GRIA4: variants seen among roughly 807,000 people sequenced by gnomAD.
The protein encoded by GRIA4 is glutamate receptor 4.
In GRIA4, 34 loss-of-function variants were observed where a neutral mutation model predicts 104.0. That is an observed-to-expected ratio of 0.33 (90% CI 0.25 to 0.44). The LOEUF is 0.44. Among genes scored for constraint, GRIA4 ranks in the 20% least tolerant of loss-of-function variants. The pLI, the probability that GRIA4 is intolerant of heterozygous loss-of-function variation, is 1.00. For missense variants in GRIA4, 750 were observed against 1,096.5 expected, an observed-to-expected ratio of 0.68 and a Z score of 4.46; for synonymous variants, 386 against 381.9, an observed-to-expected ratio of 1.01 and a Z score of -0.13.
chr11:105,744,606 G>A (rs911827583), intron 3 of GRIA4, among the ~76,000 whole-genome samples: 2 of 152,222 alleles, frequency 1.3e-5, no homozygotes, highest in East Asian at 3.9e-4. Flanking sequence ...AAAAAATGTA[G>A]CTGTCAAATA....
At chr11:105,863,259 T>C (rs1945291748) in intron 5 of GRIA4, among the ~76,000 whole-genome samples, 1 of 152,080 alleles carries the variant, frequency 6.6e-6, no homozygotes, top group Admixed American at 6.6e-5. Flanking sequence ...TATATTAGCA[T>C]TTGTAAAAGT....
chr11:105,945,640 T>A (rs2136231754), intron 14 of GRIA4: 1 of 157,512 alleles, frequency 6.3e-6, no homozygotes, highest in Admixed American at 6.5e-5. Context: ...GCTTGCCACT[T>A]GTGCGTAATA....
At chr11:105,905,663 A>G (rs143568917) in intron 9 of GRIA4, among the ~76,000 whole-genome samples, 2 of 152,374 alleles carry the variant, frequency 1.3e-5, no homozygotes, top group African/African-American at 4.8e-5. Context: ...TTATGAAATT[A>G]TTAGAGCAAG....
chr11:105,655,437 C>T (rs186671649), intron 3 of GRIA4, among the ~76,000 whole-genome samples: 6 of 152,166 alleles, frequency 3.9e-5, no homozygotes, highest in Admixed American at 2.6e-4. Context: ...TTGCTGCACC[C>T]ATCAGCCCAT....
intron 3 of GRIA4, among the ~76,000 whole-genome samples, chr11:105,731,471 T>C (rs1163574943): frequency 6.6e-6 from 1 of 152,160 alleles, no homozygotes; most frequent in Non-Finnish European, 1.5e-5. Flanking sequence ...AGTGTGGCGA[T>C]TCCTCAAGGA....
chr11:105,804,129 G>T (rs1403345150), intron 4 of GRIA4, among the ~76,000 whole-genome samples: 2 of 151,578 alleles, frequency 1.3e-5, no homozygotes, highest in Admixed American at 6.6e-5. Flanking sequence ...TAATCTAGTG[G>T]CTCTCATTTA....
chr11:105,862,376 C>A, intron 5 of GRIA4, 168 bp downstream of exon 5: 1 of 565,558 alleles, frequency 1.8e-6, no homozygotes, highest in Admixed American at 3.3e-5. Flanking sequence ...CTTTTATCAC[C>A]AAGGACCTTT....
At chr11:105,886,830 T>C (rs1384348747) in intron 5 of GRIA4, among the ~76,000 whole-genome samples, 6 of 151,940 alleles carry the variant, frequency 3.9e-5, no homozygotes, top group Non-Finnish European at 7.4e-5. Flanking sequence ...AATTGAACTT[T>C]GAAAAGATCT....
chr11:105,844,833 T>A (rs1234359404), intron 4 of GRIA4, among the ~76,000 whole-genome samples: 4 of 152,224 alleles, frequency 2.6e-5, no homozygotes, highest in Non-Finnish European at 5.9e-5. Flanking sequence ...CTTACTATTC[T>A]GTGCATCTAT....
intron 3 of GRIA4, among the ~76,000 whole-genome samples, chr11:105,617,015 T>G (rs1342872943): frequency 1.3e-5 from 2 of 151,200 alleles, no homozygotes; most frequent in Admixed American, 6.6e-5. Flanking sequence ...AGGATTAAGC[T>G]TTCATAAAGC....
At chr11:105,842,290 G>T (rs1247817907) in intron 4 of GRIA4, among the ~76,000 whole-genome samples, 1 of 152,096 alleles carries the variant, frequency 6.6e-6, no homozygotes, top group Non-Finnish European at 1.5e-5. Flanking sequence ...TTGCCCTGAG[G>T]GACATGGAAA....
At chr11:105,628,654 C>T (rs1950952032) in intron 3 of GRIA4, among the ~76,000 whole-genome samples, 1 of 152,180 alleles carries the variant, frequency 6.6e-6, no homozygotes, top group Admixed American at 6.5e-5. Context: ...AATTAAACCT[C>T]TTTCCTTTGT....
chr11:105,739,656 G>T (rs766945659), intron 3 of GRIA4, among the ~76,000 whole-genome samples: 2 of 151,994 alleles, frequency 1.3e-5, no homozygotes, highest in Non-Finnish European at 2.9e-5. Flanking sequence ...AATGAATTCT[G>T]GGCCCAGCAT....
At chr11:105,758,957 G>A (rs138906094) in intron 4 of GRIA4, among the ~76,000 whole-genome samples, 1 of 152,074 alleles carries the variant, frequency 6.6e-6, no homozygotes, top group Non-Finnish European at 1.5e-5. Context: ...TCATAATAAT[G>A]CAATGTTAAG....
chr11:105,644,855 C>T (rs1458780126), intron 3 of GRIA4, among the ~76,000 whole-genome samples: 1 of 152,006 alleles, frequency 6.6e-6, no homozygotes, highest in East Asian at 1.9e-4. Flanking sequence ...AAATAGTAAT[C>T]TTTAATATAT....
At chr11:105,776,284 C>CA (rs984486074) in intron 4 of GRIA4, among the ~76,000 whole-genome samples, 4 of 151,634 alleles carry the variant, frequency 2.6e-5, no homozygotes, top group South Asian at 2.1e-4. Context: ...TTTATGGCAG[C>CA]AAAAAAATAC....
At chr11:105,634,529 A>AAAGAAAAG (rs1565420297) in intron 3 of GRIA4, among the ~76,000 whole-genome samples, 4,635 of 86,952 alleles carry the variant, frequency 0.053, 193 homozygotes, top group East Asian at 0.078. Context: ...AGAAAGAAAG[A>AAAGAAAAG]AAAGAAAGAA....
chr11:105,702,711 T>TC (rs1953545941), intron 3 of GRIA4, among the ~76,000 whole-genome samples: 1 of 146,588 alleles, frequency 6.8e-6, no homozygotes, highest in African/African-American at 2.5e-5. Flanking sequence ...TTTTTTTTTT[T>TC]TTTGAGACAG....
chr11:105,978,383 A>T (rs1859099222), intron 16 of GRIA4, among the ~76,000 whole-genome samples: 1 of 152,044 alleles, frequency 6.6e-6, no homozygotes, highest in South Asian at 2.1e-4. Context: ...TATGATGATA[A>T]GTATTAATTT....
Sources: gnomAD v4.1 joint callset for allele counts (sites outside exome capture counted in the v4.1 genomes callset) on GRCh38, gnomAD v4.1.1 for gene constraint, MANE v1.5 for transcripts, NCBI Gene and HGNC (gene_info 2026-07-23, HGNC 2026-07-21) for gene names.